RASA3: variants seen among roughly 807,000 people sequenced by gnomAD.
RASA3 encodes the protein RAS p21 protein activator 3.
A neutral mutation model predicts 110.0 loss-of-function variants in RASA3; 73 were observed. The ratio of observed to expected loss-of-function variants is 0.66; its 90% CI spans 0.55 to 0.81. RASA3 has a LOEUF of 0.81. RASA3 is among the 30% of genes least tolerant of loss of function. The pLI, the probability that RASA3 is intolerant of heterozygous loss-of-function variation, is 0.00. For synonymous variants in RASA3, 500 were observed against 451.4 expected, an observed-to-expected ratio of 1.11 and a Z score of -1.37; for missense variants, 976 against 1,113.2, an observed-to-expected ratio of 0.88 and a Z score of 1.75.
At position 114,079,209 on chromosome 13, in the gene RASA3, G is replaced by A. The variant is rs555641690; in HGVS notation, c.56-5372C>T. 4.7e-4 allele frequency among the ~76,000 whole-genome samples: 72 copies of A among 152,328 alleles called. 1 individual carries two copies. The highest frequency in any genetic ancestry group is 1.6e-3 in the African/African-American group (67 of 41,570). Reference sequence around the variant, plus strand: ...CCAGGGCTGTGCTGGTACTGGCCGCGTCCACCCAGGCTGGGCGCTCTTCTC... The same window carrying A: ...CCAGGGCTGTGCTGGTACTGGCCGCATCCACCCAGGCTGGGCGCTCTTCTC... On this transcript the variant is annotated intron_variant, in intron 1 of 23. Transcript: ENST00000334062.
intron 17 of RASA3, 142 bp downstream of exon 17, chr13:114,009,244 CG>C (rs1356869294): frequency 1.5e-6 from 1 of 673,902 alleles, no homozygotes; most frequent in Non-Finnish European, 2.6e-6. Context: ...GTCTGGACAG[CG>C]CTGTGAATGC....
rs1488465451 is a variant in RASA3, at chr13:114,057,323, C to G, written c.174-5168G>C. 4.1e-6 allele frequency: 4 copies of G among 985,294 alleles called. No individual in the cohort carries two copies. The highest frequency in any genetic ancestry group is 2.4e-6 in the Non-Finnish European group (2 of 829,942). The allele number at this position is 985,294 out of a possible 1,614,324, so 61.0% of individuals were successfully genotyped here. A position where few individuals can be genotyped will look rare whatever the true frequency, so the allele number is the denominator to read the frequency against. ...CAGCCTTATCAACGGAGCTCTGAGC[C>G]ACCAACCACTGTGACCAAGCTTCAT... On this transcript the variant is annotated intron_variant, in intron 2 of 23. Transcript: ENST00000334062. This position sits in a 1 kb window ranked among gnomAD's most constrained non-coding sequence, Gnocchi z 5.0.
At position 114,063,806 on chromosome 13, in the gene RASA3, CCAGTGT is replaced by C. The variant is rs1409670954; in HGVS notation, c.173+9908_173+9913del. Reference sequence around the variant, plus strand: ...CACAGAACCCTCCAGGGAGTCTGGACCAGTGTCCACCCCCAGCATACGCCGTCTTAT... The same window carrying C: ...CACAGAACCCTCCAGGGAGTCTGGACCCACCCCCAGCATACGCCGTCTTAT... On this transcript the variant is annotated intron_variant, in intron 2 of 23. Coordinates refer to ENST00000334062, the MANE Select transcript of RASA3 (RefSeq NM_007368.4). Among the ~76,000 whole-genome samples, 15 of 152,332 alleles carry C rather than the reference CCAGTGT, an allele frequency of 9.8e-5. No individual in the cohort carries two copies. The East Asian group carries it at 1.9e-3, about 20-fold the overall frequency.
intron 18 of RASA3, among the ~76,000 whole-genome samples, chr13:114,001,929 T>C (rs2053413847): frequency 1.3e-5 from 2 of 152,146 alleles, no homozygotes; most frequent in Admixed American, 6.5e-5. Flanking sequence ...TCAGGAAACG[T>C]GGGGAGCAGG....
intron 4 of RASA3, among the ~76,000 whole-genome samples, chr13:114,030,736 G>A (rs536226849): frequency 7.4e-4 from 113 of 152,198 alleles, no homozygotes; most frequent in African/African-American, 2.4e-3. Context: ...GCCTGTGTGC[G>A]TGCGGTTTGT....
rs138646277 is a variant in RASA3 at position 114,002,497 on chromosome 13, G to C, written c.1743-1565C>G. On this transcript the variant is annotated intron_variant, in intron 18 of 23. Coordinates refer to ENST00000334062, the MANE Select transcript of RASA3 (RefSeq NM_007368.4). ...GCGGGGCCTACACAGACGGGGGTTGGGGGGGGACTGGGAGCTCCACGACAT... is the reference window on the plus strand; with the variant it reads ...GCGGGGCCTACACAGACGGGGGTTGCGGGGGGACTGGGAGCTCCACGACAT... Among the ~76,000 whole-genome samples, 1,382 of 152,212 alleles carry C rather than the reference G, an allele frequency of 9.1e-3. 24 individuals carry two copies. The highest frequency in any genetic ancestry group is 0.03 in the African/African-American group (1,244 of 41,540).
At chr13:114,013,330 T>C in intron 14 of RASA3, 82 bp from the exon 15 acceptor site, 1 of 1,002,374 alleles carries the variant, frequency 1.0e-6, no homozygotes, top group Non-Finnish European at 1.5e-6. Context: ...CCCCTGAGGG[T>C]CCGCAGGGAA....
intron 1 of RASA3, among the ~76,000 whole-genome samples, chr13:114,097,557 C>T (rs935002390): frequency 2.0e-5 from 3 of 152,246 alleles, no homozygotes; most frequent in Non-Finnish European, 4.4e-5. Context: ...GAAGTGTCTT[C>T]CTGAAGCATC....
Position 114,029,906 on chromosome 13 carries a change from G to T in RASA3, c.373-19C>A. 6.5e-7 allele frequency: 1 copy of T among 1,545,604 alleles called. No individual in the cohort carries two copies. Among genetic ancestry groups the T allele is most frequent in the African/African-American group, 1.4e-5 (1 of 73,222 alleles). Reference sequence around the variant, plus strand: ...CTTTGCCCTGCAAGGCACAAGGATGGGGTGTCAGAGGCTGTGGCGCTGCTC... The same window carrying T: ...CTTTGCCCTGCAAGGCACAAGGATGTGGTGTCAGAGGCTGTGGCGCTGCTC... On this transcript the variant is annotated intron_variant, in intron 4 of 23. Coordinates refer to ENST00000334062, the MANE Select transcript of RASA3 (RefSeq NM_007368.4).
At position 114,078,718 on chromosome 13, in the gene RASA3, G is replaced by T. The variant is rs116616763; in HGVS notation, c.56-4881C>A. 1.6e-3 allele frequency among the ~76,000 whole-genome samples: 251 copies of T among 152,348 alleles called. 1 individual carries two copies. The highest frequency in any genetic ancestry group is 5.8e-3 in the African/African-American group (243 of 41,580). ...AAAAACAAAGGCCCTGATCCAAAGC[G>T]TCATGACTCCCACGCCCACGGCAGC... On this transcript the variant is annotated intron_variant, in intron 1 of 23. Transcript: ENST00000334062.
rs775368047 is a variant in RASA3, at chr13:114,027,865, G to A, written c.512C>T (p.Thr171Met). 9 of 1,613,850 alleles carry A rather than the reference G, an allele frequency of 5.6e-6. No individual in the cohort carries two copies. Among genetic ancestry groups the A allele is most frequent in the African/African-American group, 2.7e-5 (2 of 74,904 alleles). ...AACTTGCCTGAAGGGTCCTGCCAGCGTCACGGTGGCGTAGGGGTCACATTG... is the reference window on the plus strand; with the variant it reads ...AACTTGCCTGAAGGGTCCTGCCAGCATCACGGTGGCGTAGGGGTCACATTG... ...NGQCDPYATVTLAGPFRSEAK... is the reference protein window; with the variant it reads ...NGQCDPYATVMLAGPFRSEAK... The change falls in exon 6 of 24, where the codon ACG becomes ATG. Residue 171 changes from threonine to methionine, a missense_variant. Physicochemically the swap from Thr to Met is moderately conservative, Grantham distance 81 (BLOSUM62 -1). Around this residue, in one of 4 missense-constraint regions of RASA3, gnomAD observed 732 missense variants for 779.7 expected, o/e 0.94. Coordinates refer to ENST00000334062, the MANE Select transcript of RASA3 (RefSeq NM_007368.4).
intron 1 of RASA3, among the ~76,000 whole-genome samples, chr13:114,076,353 C>T (rs969197521): frequency 2.6e-5 from 4 of 152,206 alleles, no homozygotes; most frequent in African/African-American, 9.6e-5. Context: ...TCCCGGGATG[C>T]GCCTTCTTCA....
At chr13:114,064,251 G>A (rs12428821) in intron 2 of RASA3, among the ~76,000 whole-genome samples, 2,467 of 152,304 alleles carry the variant, frequency 0.016, 138 homozygotes, top group Admixed American at 0.1. Context: ...CCTCGATCAC[G>A]TCACCTCGTG....
chr13:113,990,823 C>A (rs899580665), intron 22 of RASA3, among the ~76,000 whole-genome samples: 1 of 152,238 alleles, frequency 6.6e-6, no homozygotes, highest in Non-Finnish European at 1.5e-5. Flanking sequence ...ACACATGTAC[C>A]TGTATGTTCA....
intron 2 of RASA3, among the ~76,000 whole-genome samples, chr13:114,055,209 G>A (rs1594395899): frequency 6.6e-6 from 1 of 152,252 alleles, no homozygotes; most frequent in African/African-American, 2.4e-5. Flanking sequence ...GCCCATACAT[G>A]TGTGCTCACA....
chr13:114,018,579 C>T (rs1287992305), intron 10 of RASA3, among the ~76,000 whole-genome samples, 184 bp downstream of exon 10: 3 of 152,304 alleles, frequency 2.0e-5, no homozygotes, highest in Non-Finnish European at 4.4e-5. Flanking sequence ...CTCTAACTGT[C>T]GACGGACCAG....
At position 113,979,226 on chromosome 13, in the gene RASA3, T is replaced by C. The variant is rs1194704328; in HGVS notation, c.*121A>G. 2 of 981,970 alleles carry C rather than the reference T, an allele frequency of 2.0e-6. No homozygotes were observed. The highest frequency in any genetic ancestry group is 2.4e-5 in the East Asian group (1 of 41,422). The allele number at this position is 981,970 out of a possible 1,614,324, so 60.8% of individuals were successfully genotyped here. Reference sequence around the variant, plus strand: ...GGGAAACCCCAGCGCCACTTGTCTATGGGCCGGGACGGCGTGCATCTCACT... The same window carrying C: ...GGGAAACCCCAGCGCCACTTGTCTACGGGCCGGGACGGCGTGCATCTCACT... On this transcript the variant is annotated 3_prime_UTR_variant, in exon 24 of 24. Coordinates refer to ENST00000334062, the MANE Select transcript of RASA3 (RefSeq NM_007368.4).
chr13:114,075,043 G>A (rs1190937054), intron 1 of RASA3, among the ~76,000 whole-genome samples: 1 of 152,220 alleles, frequency 6.6e-6, no homozygotes. Flanking sequence ...TGGCTCTAAA[G>A]ACGCCTGGCA....
chr13:114,079,826 C>T (rs560835263), intron 1 of RASA3, among the ~76,000 whole-genome samples: 14 of 152,198 alleles, frequency 9.2e-5, no homozygotes, highest in Admixed American at 7.2e-4. Flanking sequence ...AGTGCCCGTC[C>T]GCACTGGCCT....
Sources: gnomAD v4.1 joint callset for allele counts (sites outside exome capture counted in the v4.1 genomes callset) on GRCh38, gnomAD v4.1.1 for gene constraint, gnomAD v4.1.1 regional missense constraint, Gnocchi (gnomAD v3.1) non-coding constraint, MANE v1.5 for transcripts, NCBI Gene and HGNC (gene_info 2026-07-23, HGNC 2026-07-21) for gene names.